HTR1F: variants seen among roughly 807,000 people sequenced by gnomAD.
HTR1F encodes the protein 5-hydroxytryptamine (serotonin) receptor 1F, G protein-coupled.
Under a neutral mutation model 24.0 loss-of-function variants are expected in HTR1F, and 17 were observed. That is an observed-to-expected ratio of 0.71 (90% CI 0.48 to 1.06). The LOEUF (loss-of-function observed/expected upper bound fraction) is 1.06. HTR1F is among the 50% of genes least tolerant of loss of function. The pLI, the probability that HTR1F is intolerant of heterozygous loss-of-function variation, is 0.00. For synonymous variants in HTR1F, 186 were observed against 156.8 expected, an observed-to-expected ratio of 1.19 and a Z score of -1.39; for missense variants, 391 against 427.8, an observed-to-expected ratio of 0.91 and a Z score of 0.76.
At chr3:87,870,175 A>G (rs893273456) in intron 2 of HTR1F, among the ~76,000 whole-genome samples, 4 of 152,056 alleles carry the variant, frequency 2.6e-5, no homozygotes, top group Non-Finnish European at 5.9e-5. Flanking sequence ...AGTTTTCTAT[A>G]ATTATTTTAG....
At chr3:87,809,482 T>C (rs1704126537) in intron 1 of HTR1F, among the ~76,000 whole-genome samples, 1 of 152,052 alleles carries the variant, frequency 6.6e-6, no homozygotes. Context: ...GTAGCTAGCA[T>C]GATTTCTAAT....
At chr3:87,896,519 CCTGA>C (rs1304630374) in intron 2 of HTR1F, among the ~76,000 whole-genome samples, 2 of 152,212 alleles carry the variant, frequency 1.3e-5, no homozygotes, top group African/African-American at 4.8e-5. Flanking sequence ...GCAGTGATTT[CCTGA>C]CTATCACACC....
At chr3:87,981,319 T>C (rs565784428) in intron 2 of HTR1F, among the ~76,000 whole-genome samples, 79 of 152,310 alleles carry the variant, frequency 5.2e-4, no homozygotes, top group Non-Finnish European at 8.5e-4. Flanking sequence ...CTCAGCCTCC[T>C]GAGTAGCTGG....
intron 1 of HTR1F, among the ~76,000 whole-genome samples, chr3:87,801,810 T>C (rs191009321): frequency 3.3e-5 from 5 of 152,268 alleles, no homozygotes; most frequent in Non-Finnish European, 5.9e-5. Context: ...GTATTGGAGA[T>C]AGATAGTTTA....
intron 2 of HTR1F, among the ~76,000 whole-genome samples, chr3:87,848,589 T>G (rs944625420): frequency 9.2e-5 from 14 of 151,976 alleles, no homozygotes; most frequent in Admixed American, 4.6e-4. Context: ...ACAAGATGTT[T>G]AGAATTACAA....
At chr3:87,964,981 G>T (rs1412815018) in intron 2 of HTR1F, among the ~76,000 whole-genome samples, 1 of 152,084 alleles carries the variant, frequency 6.6e-6, no homozygotes, top group Non-Finnish European at 1.5e-5. Context: ...AAGCTCTCTT[G>T]CCTGCTCCCA....
At chr3:87,862,054 A>C (rs1466756226) in intron 2 of HTR1F, among the ~76,000 whole-genome samples, 1 of 152,198 alleles carries the variant, frequency 6.6e-6, no homozygotes, top group Non-Finnish European at 1.5e-5. Flanking sequence ...AATTATAAGG[A>C]GGAAAAATAA....
At chr3:87,890,405 A>G (rs889888675) in intron 2 of HTR1F, among the ~76,000 whole-genome samples, 1 of 152,188 alleles carries the variant, frequency 6.6e-6, no homozygotes, top group Admixed American at 6.6e-5. Context: ...AAGCATGAGT[A>G]ATGTTAGAGA....
intron 1 of HTR1F, among the ~76,000 whole-genome samples, chr3:87,812,705 T>C (rs920690246): frequency 2.6e-5 from 4 of 152,112 alleles, no homozygotes; most frequent in Non-Finnish European, 5.9e-5. Flanking sequence ...TCTAGAGACC[T>C]AGGAGGGAAA....
At chr3:87,930,086 G>T (rs1237391731) in intron 2 of HTR1F, among the ~76,000 whole-genome samples, 2 of 152,066 alleles carry the variant, frequency 1.3e-5, no homozygotes, top group East Asian at 3.9e-4. Flanking sequence ...CTCTCAGCTT[G>T]GCTGTTGCTA....
intron 2 of HTR1F, among the ~76,000 whole-genome samples, chr3:87,875,665 C>T (rs1279409945): frequency 1.3e-5 from 2 of 151,858 alleles, no homozygotes; most frequent in African/African-American, 2.4e-5. Context: ...TGGCTCACAC[C>T]TGTAATCTCA....
At chr3:87,832,924 T>C (rs1704612838) in intron 2 of HTR1F, among the ~76,000 whole-genome samples, 1 of 152,216 alleles carries the variant, frequency 6.6e-6, no homozygotes, top group Non-Finnish European at 1.5e-5. Context: ...CGTCTGTTGT[T>C]TTGTTTGCTT....
chr3:87,823,813 A>G (rs1704408432), intron 2 of HTR1F, among the ~76,000 whole-genome samples: 1 of 152,058 alleles, frequency 6.6e-6, no homozygotes, highest in South Asian at 2.1e-4. Context: ...TAACTTCAGC[A>G]CTTTTGGGAG....
intron 1 of HTR1F, among the ~76,000 whole-genome samples, chr3:87,811,376 G>A (rs1704158136): frequency 6.6e-6 from 1 of 151,980 alleles, no homozygotes; most frequent in Admixed American, 6.6e-5. Context: ...TTAAAAAAGA[G>A]CAAAGAAGAT....
chr3:87,955,927 G>C (rs1292253268), intron 2 of HTR1F, among the ~76,000 whole-genome samples: 1 of 151,286 alleles, frequency 6.6e-6, no homozygotes, highest in Non-Finnish European at 1.5e-5. Flanking sequence ...TAAGAGATCT[G>C]TATATGGTCT....
intron 2 of HTR1F, among the ~76,000 whole-genome samples, chr3:87,944,195 G>C (rs542869214): frequency 1.3e-5 from 2 of 152,272 alleles, no homozygotes; most frequent in South Asian, 4.1e-4. Flanking sequence ...TTTGTGCTCA[G>C]GGGTGAGTCC....
At chr3:87,799,856 C>T (rs1483262588) in intron 1 of HTR1F, among the ~76,000 whole-genome samples, 1 of 152,132 alleles carries the variant, frequency 6.6e-6, no homozygotes, top group Non-Finnish European at 1.5e-5. Flanking sequence ...CCTCCATGCT[C>T]AGTTAACAGG....
At chr3:87,832,176 G>T (rs1003287571) in intron 2 of HTR1F, among the ~76,000 whole-genome samples, 5 of 152,064 alleles carry the variant, frequency 3.3e-5, no homozygotes, top group African/African-American at 9.7e-5. Context: ...TCTTCCATGT[G>T]TCTTGAAAGT....
rs146847284 is a variant in HTR1F at position 87,841,550 on chromosome 3, G to A, written c.-43+19426G>A. On this transcript the variant is annotated intron_variant, in intron 2 of 2. Coordinates refer to ENST00000319595, the MANE Select transcript of HTR1F (RefSeq NM_001322209.2). ...GCAACTAGTTTAAAGAAAATGCATC[G>A]TCTATATGTTATTTGAAATTCTAGA... is the stretch of plus-strand genomic sequence containing the variant. Among the ~76,000 whole-genome samples the A allele has an allele frequency of 1.3e-3, 194 of 151,832 alleles. 7 individuals are homozygous for A. The highest frequency in any genetic ancestry group is 4.5e-3 in the African/African-American group (184 of 41,228).
Sources: allele counts gnomAD v4.1 joint callset (sites outside exome capture counted in the v4.1 genomes callset), GRCh38; gene constraint gnomAD v4.1.1; transcripts MANE v1.5; gene names NCBI Gene and HGNC (gene_info 2026-07-23, HGNC 2026-07-21).